Variants in CNTNAP4 observed in about 807,000 individuals in gnomAD.
CNTNAP4 encodes contactin associated protein family member 4, also known as contactin-associated protein-like 4.
Under a neutral mutation model 148.4 loss-of-function variants are expected in CNTNAP4, and 98 were observed. That is an observed-to-expected ratio of 0.66 (90% confidence interval 0.56 to 0.78). The LOEUF (loss-of-function observed/expected upper bound fraction) is 0.78. Ranked by LOEUF, CNTNAP4 falls within the 30% of genes least tolerant of loss-of-function variation. The pLI, the probability that CNTNAP4 is intolerant of heterozygous loss-of-function variation, is 0.00. For synonymous variants in CNTNAP4, 730 were observed against 565.1 expected (o/e 1.29, Z -4.14); for missense variants, 1,935 against 1,565.6 (o/e 1.24, Z -3.98).
At chr16:76,513,262 T>C (rs2083099459) in intron 15 of CNTNAP4, among the ~76,000 whole-genome samples, 1 of 152,164 alleles carries the variant, frequency 6.6e-6, no homozygotes, top group African/African-American at 2.4e-5. Flanking sequence ...TTCTGCTCTT[T>C]TCTTAGAGAT....
chr16:76,457,925 T>C (rs1185957951), intron 8 of CNTNAP4, among the ~76,000 whole-genome samples: 2 of 152,068 alleles, frequency 1.3e-5, no homozygotes, highest in African/African-American at 4.8e-5. Flanking sequence ...ACCTGATAGG[T>C]AGTTTTTAAA....
At position 76,498,568 on chromosome 16, in the gene CNTNAP4, A is replaced by G; in HGVS notation, c.2239A>G (p.Thr747Ala). The change falls in exon 15 of 24, where the codon ACC (threonine) becomes GCC (alanine). Residue 747 changes from threonine to alanine, a missense_variant and splice_region_variant. Coordinates refer to ENST00000611870, the MANE Select transcript of CNTNAP4 (RefSeq NM_033401.5). Reference protein sequence around the residue: ...CNCDADRNEWTNDTGLLAYKE... With the variant: ...CNCDADRNEWANDTGLLAYKE... ...TTTGTTGTTGCTATTGTTTTTTAGG[A>G]CCAATGACACTGGATTGCTTGCTTA... 2 of 1,608,044 alleles carry G rather than the reference A, an allele frequency of 1.2e-6. No individual in the cohort carries two copies. Among genetic ancestry groups the G allele is most frequent in the Non-Finnish European group, 1.7e-6 (2 of 1,177,668 alleles).
intron 7 of CNTNAP4, among the ~76,000 whole-genome samples, chr16:76,450,503 T>A (rs2080421514): frequency 6.6e-6 from 1 of 152,200 alleles, no homozygotes; most frequent in Non-Finnish European, 1.5e-5. Flanking sequence ...CAGATGAGCA[T>A]AAAGAGTTTC....
intron 18 of CNTNAP4, among the ~76,000 whole-genome samples, chr16:76,536,397 T>C (rs189424134): frequency 6.6e-6 from 1 of 152,214 alleles, no homozygotes; most frequent in East Asian, 1.9e-4. Flanking sequence ...TGTTTCACCA[T>C]GTTGCCCAGG....
At chr16:76,510,342 A>T (rs1293488554) in intron 15 of CNTNAP4, among the ~76,000 whole-genome samples, 1 of 152,180 alleles carries the variant, frequency 6.6e-6, no homozygotes, top group Non-Finnish European at 1.5e-5. Context: ...ATTCTTTTTT[A>T]TGACCAAATA....
chr16:76,437,822 A>G (rs964824164), intron 4 of CNTNAP4, among the ~76,000 whole-genome samples: 1 of 152,208 alleles, frequency 6.6e-6, no homozygotes, highest in Non-Finnish European at 1.5e-5. Flanking sequence ...GCAGCACTAA[A>G]TAAATGACTG....
rs182387145 is a variant in CNTNAP4, at chr16:76,531,325, C to T, written c.2756-4220C>T. On this transcript the variant is annotated intron_variant, in intron 17 of 23. Coordinates refer to ENST00000611870, the MANE Select transcript of CNTNAP4 (RefSeq NM_033401.5). ...TACTCCATGACAATAACGTCTGTCG[C>T]TTATAGTAATTTCCTGAGAATAATA... 4.6e-3 allele frequency among the ~76,000 whole-genome samples: 705 copies of T among 152,228 alleles called. 4 individuals carry two copies. The highest frequency in any genetic ancestry group is 0.016 in the African/African-American group (685 of 41,558).
At chr16:76,484,146 A>G (rs1234730051) in intron 12 of CNTNAP4, among the ~76,000 whole-genome samples, 1 of 151,628 alleles carries the variant, frequency 6.6e-6, no homozygotes, top group East Asian at 1.9e-4. Flanking sequence ...AGACTAAACA[A>G]TTCTAAGAGA....
intron 3 of CNTNAP4, among the ~76,000 whole-genome samples, chr16:76,424,112 C>T (rs74026775): frequency 0.03 from 4,585 of 152,014 alleles, 237 homozygotes; most frequent in African/African-American, 0.11. Context: ...TTATTCTTAA[C>T]GTTTTCAAAA....
chr16:76,514,643 T>G (rs374560941), intron 15 of CNTNAP4, among the ~76,000 whole-genome samples: 1 of 152,096 alleles, frequency 6.6e-6, no homozygotes, highest in East Asian at 1.9e-4. Context: ...TATATTGCTC[T>G]GCAAACCACA....
intron 3 of CNTNAP4, among the ~76,000 whole-genome samples, chr16:76,369,927 A>G (rs1019056089): frequency 6.6e-6 from 1 of 151,928 alleles, no homozygotes; most frequent in Non-Finnish European, 1.5e-5. Flanking sequence ...AATGGATTGG[A>G]TTATATCTGC....
chr16:76,494,319 T>C (rs183851645), intron 13 of CNTNAP4, among the ~76,000 whole-genome samples: 9 of 152,264 alleles, frequency 5.9e-5, no homozygotes, highest in Non-Finnish European at 1.0e-4. Flanking sequence ...GTTATTTCTG[T>C]AGTCTTCAAA....
intron 3 of CNTNAP4, among the ~76,000 whole-genome samples, chr16:76,403,203 C>G (rs1014537103): frequency 6.6e-6 from 1 of 152,020 alleles, no homozygotes; most frequent in Non-Finnish European, 1.5e-5. Context: ...CACCATTCTC[C>G]TGCCTCAGCC....
intron 12 of CNTNAP4, among the ~76,000 whole-genome samples, chr16:76,482,721 A>G (rs949146284): frequency 1.3e-5 from 2 of 152,188 alleles, no homozygotes; most frequent in Non-Finnish European, 2.9e-5. Context: ...GTGTTCCTGC[A>G]TATGTGTCTT....
intron 3 of CNTNAP4, among the ~76,000 whole-genome samples, chr16:76,418,739 TTCTTA>T (rs2144976248): frequency 6.9e-6 from 1 of 145,618 alleles, no homozygotes; most frequent in South Asian, 2.2e-4. Flanking sequence ...GTTTTTTTTT[TTCTTA>T]CTTTTTGCCA....
intron 1 of CNTNAP4, among the ~76,000 whole-genome samples, chr16:76,307,793 C>G (rs1960656097): frequency 6.6e-6 from 1 of 152,092 alleles, no homozygotes; most frequent in African/African-American, 2.4e-5. Flanking sequence ...TAAAATCAAT[C>G]AGCCCCTGGC....
intron 21 of CNTNAP4, among the ~76,000 whole-genome samples, chr16:76,543,959 C>G (rs541563602): frequency 6.6e-6 from 1 of 152,242 alleles, no homozygotes; most frequent in East Asian, 1.9e-4. Context: ...CTTGTGATCA[C>G]CTACCATGTA....
Position 76,559,357 on chromosome 16 carries a change from A to G in CNTNAP4, c.*674A>G, listed in dbSNP as rs1356979756. 3 of 152,172 alleles carry G rather than the reference A, an allele frequency of 2.0e-5. No homozygotes were observed. The highest frequency in any genetic ancestry group is 4.4e-5 in the Non-Finnish European group (3 of 68,014). The allele number at this position is 152,172 out of a possible 1,614,324, so 9.4% of individuals were successfully genotyped here. A position where few individuals can be genotyped will look rare whatever the true frequency, so the allele number is the denominator to read the frequency against. On this transcript the variant is annotated 3_prime_UTR_variant, in exon 24 of 24. Coordinates refer to ENST00000611870, the MANE Select transcript of CNTNAP4 (RefSeq NM_033401.5). The stretch of plus-strand genomic sequence containing the variant: ...ACTCTGAACATACAAGTTGTATTTA[A>G]CAAGACTCAGAAAGTGCAGTGGTTG...
At chr16:76,372,138 ATTT>A (rs35343278) in intron 3 of CNTNAP4, among the ~76,000 whole-genome samples, 1 of 125,790 alleles carries the variant, frequency 7.9e-6, no homozygotes, top group Non-Finnish European at 1.6e-5. Context: ...TCCAGCCCAA[ATTT>A]TTTTTTTTTT....
Sources: allele counts gnomAD v4.1 joint callset (sites outside exome capture counted in the v4.1 genomes callset), GRCh38; gene constraint gnomAD v4.1.1; transcripts MANE v1.5; gene names NCBI Gene and HGNC (gene_info 2026-07-23, HGNC 2026-07-21).